PRDM2: variants seen among roughly 807,000 people sequenced by gnomAD.
PRDM2 encodes the protein PR/SET domain 2, also known as PR domain zinc finger protein 2.
In PRDM2, 30 loss-of-function variants were observed where a neutral mutation model predicts 130.0. The ratio of observed to expected loss-of-function variants is 0.23; its 90% CI spans 0.17 to 0.31. The LOEUF (loss-of-function observed/expected upper bound fraction) is 0.31. Among genes scored for constraint, PRDM2 ranks in the 10% least tolerant of loss-of-function variants. The pLI is 1.00. For missense variants in PRDM2, 2,011 were observed against 2,108.4 expected, an observed-to-expected ratio of 0.95 and a Z score of 0.90; for synonymous variants, 871 against 782.4, an observed-to-expected ratio of 1.11 and a Z score of -1.89.
At chr1:13,794,442 A>T (rs1158043811) in intron 8 of PRDM2, among the ~76,000 whole-genome samples, 1 of 152,226 alleles carries the variant, frequency 6.6e-6, no homozygotes, top group Non-Finnish European at 1.5e-5. Flanking sequence ...CCCAGCATCT[A>T]TTAATAGAAT....
At chr1:13,785,641 C>T (rs1393904542) in intron 8 of PRDM2, among the ~76,000 whole-genome samples, 1 of 151,590 alleles carries the variant, frequency 6.6e-6, no homozygotes, top group Non-Finnish European at 1.5e-5. Flanking sequence ...TCAGGTTCTC[C>T]TGCTGCAGCT....
chr1:13,712,345 G>A lies in PRDM2; in HGVS notation c.-65-3196G>A, dbSNP rs1642397957. On this transcript the variant is annotated intron_variant, in intron 1 of 9. Coordinates refer to ENST00000311066, the MANE Select transcript of PRDM2 (RefSeq NM_001393986.1). ...TCAGTTGTCTGAATTGTGCCTACAAGCTAGCAATGACAAAAGGTGAGGAAA... is the reference window on the plus strand; with the variant it reads ...TCAGTTGTCTGAATTGTGCCTACAAACTAGCAATGACAAAAGGTGAGGAAA... Among the ~76,000 whole-genome samples the A allele has an allele frequency of 1.3e-5, 2 of 152,284 alleles. 1 individual carries two copies. The highest frequency in any genetic ancestry group is 6.8e-3 in the Middle Eastern group (2 of 294).
At chr1:13,770,228 T>A (rs1644327140) in intron 6 of PRDM2, 1 of 394,798 alleles carries the variant, frequency 2.5e-6, no homozygotes, top group Non-Finnish European at 5.0e-6. Flanking sequence ...TCTCGCTGAT[T>A]AGGTTTTGTT....
chr1:13,799,832 TAGAA>T (rs1417467647), intron 8 of PRDM2, among the ~76,000 whole-genome samples: 1 of 152,212 alleles, frequency 6.6e-6, no homozygotes, highest in Non-Finnish European at 1.5e-5. Flanking sequence ...GTTGAATACT[TAGAA>T]AGGCACATAG....
intron 8 of PRDM2, among the ~76,000 whole-genome samples, chr1:13,788,335 G>A (rs569877535): frequency 6.6e-6 from 1 of 152,200 alleles, no homozygotes; most frequent in African/African-American, 2.4e-5. Context: ...TCGGGTAAGA[G>A]TAAAATACAA....
At chr1:13,725,548 T>G (rs1642884997) in intron 2 of PRDM2, among the ~76,000 whole-genome samples, 1 of 152,202 alleles carries the variant, frequency 6.6e-6, no homozygotes, top group Non-Finnish European at 1.5e-5. Context: ...AGCAGTAACA[T>G]CTTACAAAGC....
rs1645386305 is a variant in PRDM2, at chr1:13,823,500, T to G, written c.*365T>G. On this transcript the variant is annotated 3_prime_UTR_variant, in exon 10 of 10. Transcript: ENST00000311066. The stretch of plus-strand genomic sequence containing the variant: ...TTTTTCAAGAGCTCCTTGACCCTGC[T>G]TTTTGCTTCTTGAGTTGTCTTTTGC... 2 of 361,620 alleles carry G rather than the reference T, an allele frequency of 5.5e-6. No individual in the cohort carries two copies. The highest frequency in any genetic ancestry group is 4.5e-5 in the Admixed American group (1 of 22,168). 22.4% of individuals were successfully genotyped at this position (361,620 alleles called of 1,614,324 possible).
chr1:13,790,033 C>T (rs190880210), intron 8 of PRDM2, among the ~76,000 whole-genome samples: 28 of 152,086 alleles, frequency 1.8e-4, no homozygotes, highest in African/African-American at 5.8e-4. Flanking sequence ...CTTAACAAAA[C>T]GGGGAGCCAC....
At position 13,779,101 on chromosome 1, in the gene PRDM2, T is replaced by C. The variant is rs1208957194; in HGVS notation, c.1306T>C (p.Ser436Pro). ...PSEDLADGKA[S>P]GENVASKDDS... is the part of the protein sequence containing the mutation. Reference sequence around the variant, plus strand: ...AGAGGATCTGGCTGATGGCAAAGCATCTGGAGAAAACGTTGCTTCAAAAGA... The same window carrying C: ...AGAGGATCTGGCTGATGGCAAAGCACCTGGAGAAAACGTTGCTTCAAAAGA... The change falls in exon 8 of 10, where the codon TCT (serine) becomes CCT (proline). Residue 436 changes from serine (S) to proline (P), a missense_variant. Coordinates refer to ENST00000311066, the MANE Select transcript of PRDM2 (RefSeq NM_001393986.1). The surrounding 1 kb of genome is among the most constrained non-coding windows in gnomAD (Gnocchi z 4.9). The C allele has an allele frequency of 1.2e-6, 2 of 1,614,138 alleles. No homozygotes were observed. Among genetic ancestry groups the C allele is most frequent in the East Asian group, 2.2e-5 (1 of 44,876 alleles).
intron 8 of PRDM2, among the ~76,000 whole-genome samples, chr1:13,792,331 A>G (rs1263588884): frequency 6.6e-6 from 1 of 152,228 alleles, no homozygotes. Flanking sequence ...GGAGACAGTT[A>G]TGGGTATTTT....
In PRDM2 at chr1:13,780,953, C is replaced by A. The variant is rs756295414; in HGVS notation, c.3158C>A (p.Ser1053Tyr). The A allele has an allele frequency of 6.2e-7, 1 of 1,607,768 alleles. No homozygotes were observed. Among genetic ancestry groups the A allele is most frequent in the Non-Finnish European group, 8.5e-7 (1 of 1,174,432 alleles). The change falls in exon 8 of 10, where the codon TCT becomes TAT. Residue 1053 changes from serine to tyrosine, a missense_variant. By Grantham distance (144) the Ser-to-Tyr change is moderately radical. Around this residue, in one of 5 missense-constraint regions of PRDM2, gnomAD observed 1,288 missense variants for 1,237.7 expected, o/e 1.04. Transcript: ENST00000311066. ...AASPGPPTLS[S>Y]SSSSSSSSSS... The stretch of plus-strand genomic sequence containing the variant: ...TCACCCGGGCCTCCAACACTTTCTT[C>A]TTCCTCCTCTTCATCTTCCTCCTCC...
At chr1:13,816,888 G>A (rs1362147888) in intron 9 of PRDM2, among the ~76,000 whole-genome samples, 1 of 152,230 alleles carries the variant, frequency 6.6e-6, no homozygotes, top group African/African-American at 2.4e-5. Flanking sequence ...TGACAATTAC[G>A]AGTGTCAAAT....
At chr1:13,718,291 T>G (rs986277378) in intron 2 of PRDM2, among the ~76,000 whole-genome samples, 2 of 152,212 alleles carry the variant, frequency 1.3e-5, no homozygotes, top group African/African-American at 4.8e-5. Flanking sequence ...CTGTTTCTTA[T>G]GATGGGTATG....
At position 13,780,476 on chromosome 1, in the gene PRDM2, A is replaced by T; in HGVS notation, c.2681A>T (p.Asn894Ile). The T allele has an allele frequency of 1.2e-6, 2 of 1,614,182 alleles. No homozygotes were observed. Among genetic ancestry groups the T allele is most frequent in the Non-Finnish European group, 1.7e-6 (2 of 1,180,032 alleles). Residue 894 changes from asparagine to isoleucine, a missense_variant, in exon 8 of 10, where the codon AAT (asparagine) becomes ATT (isoleucine). Asn to Ile is a moderately radical substitution (Grantham distance 149, BLOSUM62 -3). Coordinates refer to ENST00000311066, the MANE Select transcript of PRDM2 (RefSeq NM_001393986.1). ...TGCATGCTGCAGAAGGTTCTTCTCA[A>T]TGAATATAATGGCATCGATTTACCT... ...TTCMLQKVLL[N>I]EYNGIDLPVE... is the part of the protein sequence containing the mutation.
At chr1:13,745,597 G>T (rs1179260366) in intron 5 of PRDM2, among the ~76,000 whole-genome samples, 2 of 152,050 alleles carry the variant, frequency 1.3e-5, no homozygotes, top group Non-Finnish European at 2.9e-5. Context: ...GCTAAATTTT[G>T]TATTTTTAGT....
At chr1:13,728,466 C>T (rs1015427345) in intron 2 of PRDM2, among the ~76,000 whole-genome samples, 2 of 152,290 alleles carry the variant, frequency 1.3e-5, no homozygotes, top group South Asian at 4.1e-4. Flanking sequence ...CAGTTTGCAG[C>T]CATAGCCACG....
intron 2 of PRDM2, among the ~76,000 whole-genome samples, chr1:13,726,330 G>A (rs773913173): frequency 7.9e-5 from 12 of 152,230 alleles, no homozygotes; most frequent in Non-Finnish European, 1.6e-4. Flanking sequence ...CAGAGAAAAT[G>A]TATCAGGAAA....
chr1:13,741,141 T>G (rs1643425220), intron 4 of PRDM2, among the ~76,000 whole-genome samples: 3 of 152,212 alleles, frequency 2.0e-5, no homozygotes, highest in African/African-American at 4.8e-5. Flanking sequence ...TGTATATGTA[T>G]GCATGTATAT....
rs1277299534 is a variant in PRDM2 at position 13,781,648 on chromosome 1, C to G, written c.3853C>G (p.Pro1285Ala). The change falls in exon 8 of 10, where the codon CCA becomes GCA. Residue 1285 changes from proline (P) to alanine (A), a missense_variant. By Grantham distance (27) the Pro-to-Ala change is conservative. Transcript: ENST00000311066. The surrounding 1 kb of genome is among the most constrained non-coding windows in gnomAD (Gnocchi z 6.1). ...GGCTTCTGGAATAAAGACAAAAGAT[C>G]CAGATGTTCGATTGGGCCTCAATCA... ...IMASGIKTKD[P>A]DVRLGLNQHY... is the part of the protein sequence containing the mutation. 1 of 1,613,914 alleles carries G rather than the reference C, an allele frequency of 6.2e-7. No homozygotes were observed. The highest frequency in any genetic ancestry group is 1.3e-5 in the African/African-American group (1 of 75,020).
Sources: gnomAD v4.1 joint callset for allele counts (sites outside exome capture counted in the v4.1 genomes callset) on GRCh38, gnomAD v4.1.1 for gene constraint, gnomAD v4.1.1 regional missense constraint, Gnocchi (gnomAD v3.1) non-coding constraint, MANE v1.5 for transcripts, NCBI Gene and HGNC (gene_info 2026-07-23, HGNC 2026-07-21) for gene names.